Variants in CLDN20 observed in about 807,000 individuals in gnomAD.
CLDN20 encodes the protein claudin-20.
For synonymous variants in CLDN20, 104 were observed against 103.6 expected (o/e 1.00, Z -0.03); for missense variants, 258 against 267.9 (o/e 0.96, Z 0.26).
rs745659363 is a variant in CLDN20 at position 155,276,408 on chromosome 6, C to T, written c.*29C>T. 25 of 1,569,286 alleles carry T rather than the reference C, an allele frequency of 1.6e-5. No homozygotes were observed. The highest frequency in any genetic ancestry group is 5.5e-5 in the Admixed American group (3 of 54,736). On this transcript the variant is annotated 3_prime_UTR_variant, in exon 2 of 2. Transcript: ENST00000367165. Reference sequence around the variant, plus strand: ...ACTGAGTAATGCATATGAAATGGAACTTTTGGGTGCCAAATGGGACTTTTA... The same window carrying T: ...ACTGAGTAATGCATATGAAATGGAATTTTTGGGTGCCAAATGGGACTTTTA...
rs536463374 is a variant in CLDN20 at position 155,269,934 on chromosome 6, G to A, written c.-105+5646G>A. On this transcript the variant is annotated intron_variant, in intron 1 of 1. Coordinates refer to ENST00000367165, the MANE Select transcript of CLDN20 (RefSeq NM_001001346.3). ...GTGCCAGGCACTGATCCTGGCACAGGAGAATCAGTGATGAACGAAACAGAG... is the reference window on the plus strand; with the variant it reads ...GTGCCAGGCACTGATCCTGGCACAGAAGAATCAGTGATGAACGAAACAGAG... Among the ~76,000 whole-genome samples the A allele has an allele frequency of 2.6e-5, 4 of 152,356 alleles. No homozygotes were observed. In the East Asian group the frequency reaches 7.7e-4, roughly 29 times the overall value.
chr6:155,275,832 C>T lies in CLDN20; in HGVS notation c.113C>T (p.Ser38Phe), dbSNP rs1235641400. ...TGGAAGGTGAATGTGGATGTGGACT[C>T]CAACATCATAACAGCCATTGTACAG... Reference protein sequence around the residue: ...PNWKVNVDVDSNIITAIVQLH... With the variant: ...PNWKVNVDVDFNIITAIVQLH... The change falls in exon 2 of 2, where the codon TCC becomes TTC. Residue 38 changes from serine to phenylalanine, a missense_variant. Transcript: ENST00000367165. The T allele has an allele frequency of 6.2e-7, 1 of 1,614,090 alleles. No homozygotes were observed. The highest frequency in any genetic ancestry group is 8.5e-7 in the Non-Finnish European group (1 of 1,179,970).
chr6:155,266,850 A>T (rs1411223068), intron 1 of CLDN20, among the ~76,000 whole-genome samples: 1 of 31,882 alleles, frequency 3.1e-5, no homozygotes, highest in Non-Finnish European at 6.5e-5. Flanking sequence ...CCGTCTCAAA[A>T]AAAAAAAAAA....
chr6:155,269,757 C>T (rs1448066873), intron 1 of CLDN20, among the ~76,000 whole-genome samples: 1 of 152,220 alleles, frequency 6.6e-6, no homozygotes, highest in Non-Finnish European at 1.5e-5. Flanking sequence ...AGATGACAAA[C>T]TAGAGTTCCA....
intron 1 of CLDN20, among the ~76,000 whole-genome samples, chr6:155,265,942 C>A (rs1171269348): frequency 6.6e-6 from 1 of 151,694 alleles, no homozygotes; most frequent in Non-Finnish European, 1.5e-5. Flanking sequence ...GCATCCAGCA[C>A]GTGAGAAAAG....
rs147336005 is a variant in CLDN20 at position 155,272,600 on chromosome 6, C to T, written c.-104-3016C>T. On this transcript the variant is annotated intron_variant, in intron 1 of 1. Coordinates refer to ENST00000367165, the MANE Select transcript of CLDN20 (RefSeq NM_001001346.3). The stretch of plus-strand genomic sequence containing the variant: ...AAATTTTGAGAGAACAGGCCACAAA[C>T]GGTATTATACTCGTGGCTGGAGGGT... 5.5e-4 allele frequency among the ~76,000 whole-genome samples: 83 copies of T among 152,018 alleles called. 2 individuals are homozygous for T. Among genetic ancestry groups the T allele is most frequent in the African/African-American group, 1.9e-3 (79 of 41,468 alleles).
rs571747846 is a variant in CLDN20 at position 155,265,671 on chromosome 6, G to A, written c.-105+1383G>A. 2.4e-3 allele frequency among the ~76,000 whole-genome samples: 349 copies of A among 144,124 alleles called. 1 individual carries two copies. Among genetic ancestry groups the A allele is most frequent in the African/African-American group, 8.5e-3 (334 of 39,162 alleles). 94.6% of individuals were successfully genotyped at this position (144,124 alleles called of 152,430 possible). On this transcript the variant is annotated intron_variant, in intron 1 of 1. Coordinates refer to ENST00000367165, the MANE Select transcript of CLDN20 (RefSeq NM_001001346.3). ...GTTCTCTAGAGGGACAGAACTAATGGAATATATATATATGAGTTTATTAAA... is the reference window on the plus strand; with the variant it reads ...GTTCTCTAGAGGGACAGAACTAATGAAATATATATATATGAGTTTATTAAA...
chr6:155,275,466 A>G, intron 1 of CLDN20, 150 bp from the exon 2 acceptor site: 2 of 438,030 alleles, frequency 4.6e-6, no homozygotes, highest in Non-Finnish European at 8.2e-6. Context: ...GCCTGGTGGG[A>G]GCTTTTCTCC....
chr6:155,272,691 C>A (rs559817438), intron 1 of CLDN20, among the ~76,000 whole-genome samples: 2 of 152,130 alleles, frequency 1.3e-5, no homozygotes, highest in East Asian at 3.9e-4. Flanking sequence ...ATTTGGAGAA[C>A]AAATTCTTTC....
Position 155,264,189 on chromosome 6 carries a change from T to C in CLDN20, c.-204T>C, listed in dbSNP as rs1193099329. On this transcript the variant is annotated 5_prime_UTR_variant, in exon 1 of 2. Transcript: ENST00000367165. Reference sequence around the variant, plus strand: ...GATGAGTGCCTCCGGATGCTTGGTTTCCCCACCCTCCAGTGTCTGCTTGCT... The same window carrying C: ...GATGAGTGCCTCCGGATGCTTGGTTCCCCCACCCTCCAGTGTCTGCTTGCT... 6.6e-6 allele frequency: 1 copy of C among 152,064 alleles called. No homozygotes were observed. Among genetic ancestry groups the C allele is most frequent in the East Asian group, 1.9e-4 (1 of 5,192 alleles). The allele number at this position is 152,064 out of a possible 1,614,324, so 9.4% of individuals were successfully genotyped here.
chr6:155,275,851 T>C lies in CLDN20; in HGVS notation c.132T>C (p.Ile44=). The stretch of plus-strand genomic sequence containing the variant: ...TGGACTCCAACATCATAACAGCCAT[T>C]GTACAGCTGCACGGGCTCTGGATGG... The part of the protein sequence containing the change: ...VDVDSNIITA[I]VQLHGLWMDC... Residue 44 remains isoleucine, a synonymous_variant, in exon 2 of 2, where the codon ATT becomes ATC. Transcript: ENST00000367165. The C allele has an allele frequency of 1.9e-6, 3 of 1,614,142 alleles. No individual in the cohort carries two copies. The highest frequency in any genetic ancestry group is 2.5e-6 in the Non-Finnish European group (3 of 1,180,022).
At chr6:155,265,765 T>G (rs947748263) in intron 1 of CLDN20, among the ~76,000 whole-genome samples, 1 of 146,342 alleles carries the variant, frequency 6.8e-6, no homozygotes, top group Non-Finnish European at 1.5e-5. Flanking sequence ...ATATATTTAA[T>G]ATATAATATG....
Position 155,276,413 on chromosome 6 carries a change from G to A in CLDN20, c.*34G>A. 1.3e-6 allele frequency: 2 copies of A among 1,567,708 alleles called. No homozygotes were observed. Among genetic ancestry groups the A allele is most frequent in the Non-Finnish European group, 1.7e-6 (2 of 1,153,678 alleles). On this transcript the variant is annotated 3_prime_UTR_variant, in exon 2 of 2. Transcript: ENST00000367165. ...GTAATGCATATGAAATGGAACTTTT[G>A]GGTGCCAAATGGGACTTTTAGATTA... is the stretch of plus-strand genomic sequence containing the variant.
chr6:155,271,995 A>C (rs1049576257), intron 1 of CLDN20, among the ~76,000 whole-genome samples: 1 of 152,112 alleles, frequency 6.6e-6, no homozygotes, highest in Non-Finnish European at 1.5e-5. Flanking sequence ...ATCTTCTAAC[A>C]CCATCAGCAG....
At chr6:155,272,613 G>T (rs989133093) in intron 1 of CLDN20, among the ~76,000 whole-genome samples, 1 of 151,942 alleles carries the variant, frequency 6.6e-6, no homozygotes, top group Non-Finnish European at 1.5e-5. Flanking sequence ...TATTATACTC[G>T]TGGCTGGAGG....
intron 1 of CLDN20, among the ~76,000 whole-genome samples, chr6:155,268,501 A>G (rs1784764786): frequency 6.6e-6 from 1 of 152,238 alleles, no homozygotes; most frequent in African/African-American, 2.4e-5. Flanking sequence ...TATTTCCAAA[A>G]TACTCAGTTA....
At chr6:155,270,602 T>A (rs1784873958) in intron 1 of CLDN20, among the ~76,000 whole-genome samples, 1 of 152,144 alleles carries the variant, frequency 6.6e-6, no homozygotes, top group African/African-American at 2.4e-5. Context: ...CAACATGTTT[T>A]GAGAATAGAA....
In CLDN20 at chr6:155,266,779, G is replaced by A. The variant is rs529081662; in HGVS notation, c.-105+2491G>A. On this transcript the variant is annotated intron_variant, in intron 1 of 1. Coordinates refer to ENST00000367165, the MANE Select transcript of CLDN20 (RefSeq NM_001001346.3). ...GGAGAATGGCGTGAGCCTGGGAGGCGGAGCTTGCAGTGAGCTGAGATCGTG... is the reference window on the plus strand; with the variant it reads ...GGAGAATGGCGTGAGCCTGGGAGGCAGAGCTTGCAGTGAGCTGAGATCGTG... Among the ~76,000 whole-genome samples, 7 of 148,140 alleles carry A rather than the reference G, an allele frequency of 4.7e-5. No homozygotes were observed. The South Asian group carries it at 6.5e-4, about 14-fold the overall frequency.
At position 155,276,519 on chromosome 6, in the gene CLDN20, A is replaced by C; in HGVS notation, c.*140A>C. 1.4e-6 allele frequency: 1 copy of C among 713,820 alleles called. No individual in the cohort carries two copies. The allele number at this position is 713,820 out of a possible 1,614,324, so 44.2% of individuals were successfully genotyped here. A position where few individuals can be genotyped will look rare whatever the true frequency, so the allele number is the denominator to read the frequency against. On this transcript the variant is annotated 3_prime_UTR_variant, in exon 2 of 2. Transcript: ENST00000367165. ...ACTTTAACAACTACAAAGTAGTTTA[A>C]AATGCCAATAAAACTATCATATACA...
Sources: gnomAD v4.1 joint callset for allele counts (sites outside exome capture counted in the v4.1 genomes callset) on GRCh38, gnomAD v4.1.1 for gene constraint, MANE v1.5 for transcripts, NCBI Gene and HGNC (gene_info 2026-07-23, HGNC 2026-07-21) for gene names.